The following JAK2 variants were observed in gnomAD, a reference collection of about 807,000 sequenced individuals.
JAK2 encodes the protein tyrosine-protein kinase JAK2.
JAK2 carries 86 observed loss-of-function variants against 139.3 expected under a neutral mutation model. The ratio of observed to expected loss-of-function variants is 0.62; its 90% CI spans 0.52 to 0.74. The LOEUF (loss-of-function observed/expected upper bound fraction) is 0.74, where lower values mean the gene tolerates loss of function less well. JAK2 is among the 30% of genes least tolerant of loss of function. JAK2 has a pLI of 0.00. For synonymous variants in JAK2, 490 were observed against 437.7 expected, an observed-to-expected ratio of 1.12 and a Z score of -1.49; for missense variants, 1,421 against 1,360.3, an observed-to-expected ratio of 1.04 and a Z score of -0.70.
intron 22 of JAK2, chr9:5,100,838 G>C (rs1821421330): frequency 6.6e-6 from 1 of 152,300 alleles, no homozygotes; most frequent in African/African-American, 2.4e-5. Context: ...ACAGCCACAG[G>C]CTTTCATGGA....
intron 4 of JAK2, among the ~76,000 whole-genome samples, chr9:5,032,143 G>A (rs984705217): frequency 3.9e-5 from 6 of 152,188 alleles, no homozygotes; most frequent in South Asian, 2.1e-4. Flanking sequence ...ACGGAGCCTC[G>A]CTCATTGCTA....
In JAK2 at chr9:5,090,827, T is replaced by C; in HGVS notation, c.2975T>C (p.Ile992Thr). Residue 992 changes from isoleucine (I) to threonine (T), a missense_variant, in exon 22 of 25, where the codon ATT (isoleucine) becomes ACT (threonine). Transcript: ENST00000381652. Reference sequence around the variant, plus strand: ...GTGGAGAACGAGAACAGAGTTAAAATTGGAGATTTTGGGTTAACCAAAGTC... The same window carrying C: ...GTGGAGAACGAGAACAGAGTTAAAACTGGAGATTTTGGGTTAACCAAAGTC... ...ILVENENRVK[I>T]GDFGLTKVLP... 1.2e-6 allele frequency: 2 copies of C among 1,613,488 alleles called. No homozygotes were observed. The highest frequency in any genetic ancestry group is 1.7e-6 in the Non-Finnish European group (2 of 1,179,618).
At chr9:5,047,973 T>G (rs1396320873) in intron 5 of JAK2, among the ~76,000 whole-genome samples, 2 of 152,190 alleles carry the variant, frequency 1.3e-5, no homozygotes, top group African/African-American at 2.4e-5. Context: ...GAATAGTATT[T>G]ATTATGTTTT....
rs562519240 is a variant in JAK2 at position 5,085,068 on chromosome 9, GCTCT to G, written c.2571+3212_2571+3215del. 254 of 698,760 alleles carry G rather than the reference GCTCT, an allele frequency of 3.6e-4. No individual in the cohort carries two copies. The African/African-American group carries it at 4.2e-3, about 12-fold the overall frequency. 43.3% of individuals were successfully genotyped at this position (698,760 alleles called of 1,614,324 possible). A position where few individuals can be genotyped will look rare whatever the true frequency, so the allele number is the denominator to read the frequency against. ...TCTTTCTGGGGATGAGAAGTTTACT[GCTCT>G]CTCTTATTGCTTCATGGCAGTACTG... On this transcript the variant is annotated intron_variant, in intron 19 of 24. Coordinates refer to ENST00000381652, the MANE Select transcript of JAK2 (RefSeq NM_004972.4).
In JAK2 at chr9:4,993,819, A is replaced by G. The variant is rs531471092; in HGVS notation, c.-26+7797A>G. Among the ~76,000 whole-genome samples, 43 of 152,330 alleles carry G rather than the reference A, an allele frequency of 2.8e-4. No individual in the cohort carries two copies. The South Asian group carries it at 2.9e-3, about 10-fold the overall frequency. The stretch of plus-strand genomic sequence containing the variant: ...AAAAAATGGATTCCTGGCTGGGGCC[A>G]CTGTTTGTGTGGAGTTTGGACATTC... On this transcript the variant is annotated intron_variant, in intron 2 of 24. Coordinates refer to ENST00000381652, the MANE Select transcript of JAK2 (RefSeq NM_004972.4).
At chr9:5,009,866 G>C (rs1821573264) in intron 2 of JAK2, among the ~76,000 whole-genome samples, 1 of 151,716 alleles carries the variant, frequency 6.6e-6, no homozygotes. Context: ...AAACTCATAA[G>C]CTTAAGCCGT....
At chr9:5,106,291 A>G (rs1276379828) in intron 22 of JAK2, among the ~76,000 whole-genome samples, 2 of 152,258 alleles carry the variant, frequency 1.3e-5, no homozygotes, top group Admixed American at 1.3e-4. Flanking sequence ...ACAGACATAT[A>G]AAAAATGCTT....
chr9:5,031,723 A>G (rs568395653), intron 4 of JAK2, among the ~76,000 whole-genome samples: 3 of 152,368 alleles, frequency 2.0e-5, no homozygotes, highest in Non-Finnish European at 2.9e-5. Context: ...ATTGTCAACT[A>G]TAAAAATTTT....
At chr9:5,126,289 A>T (rs1823990138) in intron 23 of JAK2, 44 bp from the exon 24 acceptor site, 1 of 1,374,828 alleles carries the variant, frequency 7.3e-7, no homozygotes, top group African/African-American at 1.5e-5. Context: ...GAATTTTGCT[A>T]CAAATTAAAT....
chr9:5,113,560 G>C (rs1036866531), intron 22 of JAK2: 1 of 156,468 alleles, frequency 6.4e-6, no homozygotes, highest in African/African-American at 2.4e-5. Flanking sequence ...CCTCCACACA[G>C]GGCCCATCCA....
At chr9:5,092,492 A>G (rs560609862) in intron 22 of JAK2, among the ~76,000 whole-genome samples, 1 of 152,252 alleles carries the variant, frequency 6.6e-6, no homozygotes, top group East Asian at 1.9e-4. Context: ...CCTAGCCCCA[A>G]ACCTCACTAA....
At chr9:5,034,670 A>G (rs1439149966) in intron 4 of JAK2, among the ~76,000 whole-genome samples, 1 of 152,128 alleles carries the variant, frequency 6.6e-6, no homozygotes, top group African/African-American at 2.4e-5. Context: ...GGCAGAAATA[A>G]AGATGTTCTT....
At chr9:5,115,495 CAG>C (rs1452210291) in intron 22 of JAK2, among the ~76,000 whole-genome samples, 1 of 152,166 alleles carries the variant, frequency 6.6e-6, no homozygotes. Flanking sequence ...TTGTGGAAGA[CAG>C]TGTGGCAATT....
At chr9:5,107,393 T>G (rs1822051520) in intron 22 of JAK2, among the ~76,000 whole-genome samples, 1 of 152,100 alleles carries the variant, frequency 6.6e-6, no homozygotes, top group African/African-American at 2.4e-5. Flanking sequence ...AAATTCTTCC[T>G]AGTAGCCAAC....
intron 4 of JAK2, chr9:5,041,584 G>A (rs1181888684): frequency 2.0e-6 from 1 of 501,194 alleles, no homozygotes; most frequent in South Asian, 1.6e-5. Context: ...TACGTGCGGC[G>A]CCTGGACTTT....
chr9:5,052,175 A>G (rs776606062), intron 6 of JAK2, among the ~76,000 whole-genome samples: 19 of 152,140 alleles, frequency 1.2e-4, no homozygotes, highest in Non-Finnish European at 2.4e-4. Context: ...GACTTAAGCT[A>G]TCGTGGAATA....
chr9:4,984,747 C>T (rs1167947426), upstream of JAK2: 1 of 152,342 alleles, frequency 6.6e-6, no homozygotes, highest in Non-Finnish European at 1.5e-5. Context: ...GCAGGCTGCG[C>T]GCTGGGGAGC....
At chr9:5,099,440 A>G (rs1027988525) in intron 22 of JAK2, 1 of 152,204 alleles carries the variant, frequency 6.6e-6, no homozygotes, top group Non-Finnish European at 1.5e-5. Context: ...ATCCATTATT[A>G]TCCTGTCAAT....
chr9:5,074,296 T>C (rs1183539730), intron 14 of JAK2, among the ~76,000 whole-genome samples: 1 of 152,160 alleles, frequency 6.6e-6, no homozygotes, highest in African/African-American at 2.4e-5. Flanking sequence ...GCATGCCTCA[T>C]TTTATTGCAC....
Sources: allele counts gnomAD v4.1 joint callset (sites outside exome capture counted in the v4.1 genomes callset), GRCh38; gene constraint gnomAD v4.1.1; transcripts MANE v1.5; gene names NCBI Gene and HGNC (gene_info 2026-07-23, HGNC 2026-07-21).